ATG5: variants seen among roughly 807,000 people sequenced by gnomAD.
ATG5 encodes autophagy protein 5.
Under a neutral mutation model 36.5 loss-of-function variants are expected in ATG5, and 14 were observed. That is an observed-to-expected ratio of 0.38 (90% CI 0.25 to 0.60). ATG5 has a LOEUF of 0.60. ATG5 is among the 20% of genes least tolerant of loss of function. The pLI is 0.60. For missense variants in ATG5, 195 were observed against 326.7 expected (o/e 0.60, Z 3.11); for synonymous variants, 95 against 101.5 (o/e 0.94, Z 0.38).
chr6:106,210,658 C>T (rs1254999491), intron 6 of ATG5, among the ~76,000 whole-genome samples: 1 of 152,200 alleles, frequency 6.6e-6, no homozygotes, highest in East Asian at 1.9e-4. Flanking sequence ...ATGGATTCAG[C>T]TTATGGTTCC....
At chr6:106,260,645 C>T (rs1018789439) in intron 5 of ATG5, among the ~76,000 whole-genome samples, 2 of 152,090 alleles carry the variant, frequency 1.3e-5, no homozygotes, top group Non-Finnish European at 2.9e-5. Flanking sequence ...ATTAAAATAC[C>T]AGTGGCACAG....
intron 6 of ATG5, among the ~76,000 whole-genome samples, chr6:106,236,031 A>G (rs1161690204): frequency 6.6e-6 from 1 of 152,176 alleles, no homozygotes; most frequent in African/African-American, 2.4e-5. Context: ...TGGCCTCAGA[A>G]GAATCATTTT....
chr6:106,313,207 G>C (rs1383507249), intron 2 of ATG5, among the ~76,000 whole-genome samples: 2 of 152,182 alleles, frequency 1.3e-5, no homozygotes, highest in East Asian at 3.8e-4. Context: ...AAGTAAATGT[G>C]TGGGATGCAG....
chr6:106,190,402 C>G (rs1775928048), intron 7 of ATG5, among the ~76,000 whole-genome samples: 1 of 152,130 alleles, frequency 6.6e-6, no homozygotes, highest in Admixed American at 6.5e-5. Flanking sequence ...AAACACCCCC[C>G]AAAAAGCCTC....
intron 6 of ATG5, among the ~76,000 whole-genome samples, chr6:106,214,752 C>T (rs1183503915): frequency 6.6e-6 from 1 of 152,140 alleles, no homozygotes; most frequent in Non-Finnish European, 1.5e-5. Flanking sequence ...ACGTGTGGTA[C>T]AGAGAAGTAA....
intron 6 of ATG5, among the ~76,000 whole-genome samples, chr6:106,246,384 TCTCTCTCTCACA>T (rs1252533644): frequency 5.2e-5 from 5 of 96,904 alleles, no homozygotes; most frequent in Non-Finnish European, 8.0e-5. Flanking sequence ...TCTCTCTCTC[TCTCTCTCTCACA>T]CACACACACA....
At chr6:106,219,893 C>A (rs1216965786) in intron 6 of ATG5, among the ~76,000 whole-genome samples, 1 of 152,104 alleles carries the variant, frequency 6.6e-6, no homozygotes, top group South Asian at 2.1e-4. Context: ...AAATGTGTAT[C>A]CAATCTTGTT....
intron 4 of ATG5, among the ~76,000 whole-genome samples, chr6:106,280,042 T>C (rs543029031): frequency 6.6e-6 from 1 of 151,754 alleles, no homozygotes; most frequent in Non-Finnish European, 1.5e-5. Context: ...TATAACAACA[T>C]GAAAAAAAGG....
rs35892579 is a variant in ATG5, at chr6:106,195,808, T to TAA, written c.691+6162_691+6163dup. 8.4e-3 allele frequency among the ~76,000 whole-genome samples: 768 copies of TAA among 91,312 alleles called. 10 individuals are homozygous for TAA. The highest frequency in any genetic ancestry group is 0.024 in the East Asian group (75 of 3,100). 59.9% of individuals were successfully genotyped at this position (91,312 alleles called of 152,430 possible). A position where few individuals can be genotyped will look rare whatever the true frequency, so the allele number is the denominator to read the frequency against. ...GCTGCGCTGCCTCACTGCTCCCCTC[T>TAA]AAAAAAAAAAAAAAAAAAAAAAAAC... On this transcript the variant is annotated intron_variant, in intron 7 of 7. Transcript: ENST00000369076.
chr6:106,236,898 C>G (rs1269647250), intron 6 of ATG5, among the ~76,000 whole-genome samples: 1 of 152,144 alleles, frequency 6.6e-6, no homozygotes, highest in East Asian at 1.9e-4. Context: ...AAAGCATGAA[C>G]TCAATAAATA....
chr6:106,300,488 C>T (rs2114647797), intron 3 of ATG5, among the ~76,000 whole-genome samples: 1 of 152,214 alleles, frequency 6.6e-6, no homozygotes, highest in Non-Finnish European at 1.5e-5. Flanking sequence ...AGATCAACAT[C>T]AATACAGCCA....
At chr6:106,203,012 A>C (rs773179596) in intron 6 of ATG5, among the ~76,000 whole-genome samples, 28 of 152,224 alleles carry the variant, frequency 1.8e-4, no homozygotes, top group Non-Finnish European at 3.1e-4. Flanking sequence ...GAGAGAGAGA[A>C]AGAGAGAGAC....
At chr6:106,320,803 C>T (rs1302454064) in intron 1 of ATG5, among the ~76,000 whole-genome samples, 1 of 152,162 alleles carries the variant, frequency 6.6e-6, no homozygotes, top group Admixed American at 6.5e-5. Context: ...ATCCACCAGT[C>T]CTATAGTGCC....
At chr6:106,207,335 A>T (rs1776672136) in intron 6 of ATG5, among the ~76,000 whole-genome samples, 1 of 152,198 alleles carries the variant, frequency 6.6e-6, no homozygotes. Context: ...GAAACTTATA[A>T]ACATTTTAGG....
intron 4 of ATG5, among the ~76,000 whole-genome samples, chr6:106,284,136 G>C (rs989241030): frequency 6.6e-6 from 1 of 152,106 alleles, no homozygotes. Context: ...CTTTTGTGTG[G>C]ACGCAAGTTA....
chr6:106,251,391 A>C (rs1778569196), intron 5 of ATG5, among the ~76,000 whole-genome samples: 1 of 151,826 alleles, frequency 6.6e-6, no homozygotes, highest in African/African-American at 2.4e-5. Flanking sequence ...TCTCAGCCCT[A>C]AGGTAAAATA....
intron 6 of ATG5, among the ~76,000 whole-genome samples, chr6:106,215,481 A>G (rs2114406968): frequency 6.6e-6 from 1 of 152,340 alleles, no homozygotes; most frequent in East Asian, 1.9e-4. Flanking sequence ...GTAACATCAA[A>G]GGGAAATTTC....
intron 5 of ATG5, among the ~76,000 whole-genome samples, chr6:106,250,829 T>C (rs1047450993): frequency 2.6e-5 from 4 of 152,230 alleles, no homozygotes; most frequent in Non-Finnish European, 4.4e-5. Flanking sequence ...CAGTTATCAA[T>C]TGTATGACTC....
Position 106,201,988 on chromosome 6 carries a change from A to G in ATG5, c.675T>C (p.Ser225=), listed in dbSNP as rs1426785240. 1.1e-5 allele frequency: 17 copies of G among 1,611,232 alleles called. No homozygotes were observed. The highest frequency in any genetic ancestry group is 1.4e-5 in the Non-Finnish European group (17 of 1,177,998). The change falls in exon 7 of 8, where the codon TCT becomes TCC. Residue 225 remains serine (S), a synonymous_variant. Transcript: ENST00000369076. ...LGDLLKEVCP[S]AIDPEDGEKK... ...TTGTATTACCTTCAGGATCAATAGC[A>G]GAAGGACAAACTTCTTTGAGGAGAT... is the stretch of plus-strand genomic sequence containing the variant.
Sources: allele counts gnomAD v4.1 joint callset (sites outside exome capture counted in the v4.1 genomes callset), GRCh38; gene constraint gnomAD v4.1.1; transcripts MANE v1.5; gene names NCBI Gene and HGNC (gene_info 2026-07-23, HGNC 2026-07-21).